Variants in ANGPT2 observed in about 807,000 individuals in gnomAD.
ANGPT2 encodes angiopoietin 2, also known as angiopoietin-2.
A neutral mutation model predicts 62.9 loss-of-function variants in ANGPT2; 28 were observed. That is an observed-to-expected ratio of 0.44 (90% confidence interval 0.33 to 0.61). The LOEUF (loss-of-function observed/expected upper bound fraction) is 0.61, where lower values mean the gene tolerates loss of function less well. Among genes scored for constraint, ANGPT2 ranks in the 20% least tolerant of loss-of-function variants. The pLI is 0.03. For missense variants in ANGPT2, 727 were observed against 594.9 expected, an observed-to-expected ratio of 1.22 and a Z score of -2.31; for synonymous variants, 284 against 207.8, an observed-to-expected ratio of 1.37 and a Z score of -3.15.
chr8:6,539,503 C>T (rs746931866), intron 1 of ANGPT2, among the ~76,000 whole-genome samples: 11 of 152,176 alleles, frequency 7.2e-5, no homozygotes, highest in African/African-American at 2.4e-4. Flanking sequence ...ACCACATGGA[C>T]GCCTGCCCAC....
At chr8:6,534,987 C>T (rs1353099882) in intron 1 of ANGPT2, among the ~76,000 whole-genome samples, 2 of 152,196 alleles carry the variant, frequency 1.3e-5, no homozygotes, top group African/African-American at 2.4e-5. Context: ...TTACTCCTCA[C>T]AGCACCCCAG....
chr8:6,547,825 T>C (rs1822880884), intron 1 of ANGPT2, among the ~76,000 whole-genome samples: 1 of 151,180 alleles, frequency 6.6e-6, no homozygotes, highest in African/African-American at 2.4e-5. Context: ...AAGGGAGCCG[T>C]GGCAGAGGTT....
intron 1 of ANGPT2, among the ~76,000 whole-genome samples, chr8:6,560,607 T>C (rs922185624): frequency 6.6e-6 from 1 of 152,176 alleles, no homozygotes; most frequent in Non-Finnish European, 1.5e-5. Context: ...AGATAAACAT[T>C]AAGTCATTCT....
chr8:6,504,300 A>G (rs1812817998), intron 8 of ANGPT2, among the ~76,000 whole-genome samples: 1 of 134,242 alleles, frequency 7.4e-6, no homozygotes, highest in Non-Finnish European at 1.5e-5. Flanking sequence ...CCTGGGCGAC[A>G]GAGTGAGACT....
At chr8:6,543,964 A>G (rs542356626) in intron 1 of ANGPT2, among the ~76,000 whole-genome samples, 7 of 152,246 alleles carry the variant, frequency 4.6e-5, no homozygotes, top group Non-Finnish European at 8.8e-5. Flanking sequence ...CTTAATCTTT[A>G]AAGTTGCAAT....
chr8:6,528,712 C>G (rs1418953869), intron 2 of ANGPT2, among the ~76,000 whole-genome samples: 1 of 152,228 alleles, frequency 6.6e-6, no homozygotes, highest in Non-Finnish European at 1.5e-5. Context: ...CATGCTTATT[C>G]AGGATGTGAT....
intron 3 of ANGPT2, 98 bp downstream of exon 3, chr8:6,527,457 A>C (rs1175856359): frequency 4.9e-5 from 72 of 1,461,262 alleles, no homozygotes; most frequent in Non-Finnish European, 6.5e-5. Flanking sequence ...ACTAGACATG[A>C]AGAAACTCAC....
intron 5 of ANGPT2, among the ~76,000 whole-genome samples, chr8:6,517,848 G>C (rs1279810310): frequency 6.6e-6 from 1 of 152,194 alleles, no homozygotes; most frequent in Non-Finnish European, 1.5e-5. Flanking sequence ...GACTTACAGA[G>C]TCTTAAGTCT....
At chr8:6,548,407 G>GA (rs1408811236) in intron 1 of ANGPT2, among the ~76,000 whole-genome samples, 3 of 152,162 alleles carry the variant, frequency 2.0e-5, no homozygotes, top group African/African-American at 7.2e-5. Flanking sequence ...TGATAACTCA[G>GA]AATTAGGATT....
Position 6,519,971 on chromosome 8 carries a change from T to C in ANGPT2, c.820A>G (p.Lys274Glu). The C allele has an allele frequency of 1.9e-6, 3 of 1,614,158 alleles. No individual in the cohort carries two copies. In the South Asian group the frequency reaches 3.3e-5, roughly 18 times the overall value. ...TCTCTGAAGCTGATTTGTTCTTCTT[T>C]AGCAACAGTGGGGTCCTTAGCTGCT... ...TSNSKDPTVAKEEQISFRDCA... is the reference protein window; with the variant it reads ...TSNSKDPTVAEEEQISFRDCA... Residue 274 changes from lysine (K) to glutamate (E), a missense_variant, in exon 5 of 9, where the codon AAA becomes GAA. Physicochemically the swap from Lys to Glu is moderately conservative, Grantham distance 56. Transcript: ENST00000629816.
intron 1 of ANGPT2, among the ~76,000 whole-genome samples, chr8:6,561,612 T>C (rs1014010453): frequency 1.3e-5 from 2 of 152,256 alleles, no homozygotes; most frequent in Admixed American, 1.3e-4. Context: ...TAGCTTTAGA[T>C]AATCACATTC....
chr8:6,544,613 C>G (rs1219110383), intron 1 of ANGPT2, among the ~76,000 whole-genome samples: 1 of 151,986 alleles, frequency 6.6e-6, no homozygotes, highest in Admixed American at 6.6e-5. Context: ...GAGTAAGAAC[C>G]GACATGCACA....
At chr8:6,513,523 C>G (rs1420763189) in intron 7 of ANGPT2, among the ~76,000 whole-genome samples, 155 bp downstream of exon 7, 1 of 152,050 alleles carries the variant, frequency 6.6e-6, no homozygotes, top group Non-Finnish European at 1.5e-5. Context: ...CTAGTAGAGA[C>G]AGGGTTTCAC....
At position 6,503,081 on chromosome 8, in the gene ANGPT2, C is replaced by A. The variant is rs754213622; in HGVS notation, c.*20G>T. On this transcript the variant is annotated 3_prime_UTR_variant, in exon 9 of 9. Transcript: ENST00000629816. Reference sequence around the variant, plus strand: ...TCTTTGAAAATAGTTCGAGACAGTTCCTCAGGTGGACTGGGATGTTTAGAA... The same window carrying A: ...TCTTTGAAAATAGTTCGAGACAGTTACTCAGGTGGACTGGGATGTTTAGAA... The A allele has an allele frequency of 1.2e-6, 2 of 1,613,878 alleles. No homozygotes were observed. The highest frequency in any genetic ancestry group is 1.1e-5 in the South Asian group (1 of 91,018).
chr8:6,510,309 C>G (rs1401779855), intron 7 of ANGPT2, among the ~76,000 whole-genome samples: 2 of 152,098 alleles, frequency 1.3e-5, no homozygotes, highest in African/African-American at 4.8e-5. Context: ...GATGGAGAAA[C>G]AGGCACACGA....
Position 6,521,165 on chromosome 8 carries a change from T to C in ANGPT2, c.799+13A>G. 1.2e-6 allele frequency: 2 copies of C among 1,602,502 alleles called. No homozygotes were observed. The highest frequency in any genetic ancestry group is 1.7e-6 in the Non-Finnish European group (2 of 1,170,348). On this transcript the variant is annotated intron_variant, in intron 4 of 8. Transcript: ENST00000629816. ...GTTATTAACGCTGAAGAAAGCATGA[T>C]ATGTAAACTTACAGTTTGATGTGGA...
chr8:6,541,117 C>G (rs1208865324), intron 1 of ANGPT2, among the ~76,000 whole-genome samples: 2 of 152,210 alleles, frequency 1.3e-5, no homozygotes, highest in African/African-American at 2.4e-5. Flanking sequence ...AGGCCTGAGG[C>G]AAGGCCTGTC....
rs906730831 is a variant in ANGPT2, at chr8:6,513,670, T to C, written c.1196+8A>G. On this transcript the variant is annotated splice_region_variant and intron_variant, in intron 7 of 8. Transcript: ENST00000629816. ...ATTTTTTCTTTCAATTACCATGAAC[T>C]CACTTACCTATAATTGAGTTCTTCA... 3.1e-6 allele frequency: 5 copies of C among 1,600,108 alleles called. No homozygotes were observed. Among genetic ancestry groups the C allele is most frequent in the Non-Finnish European group, 4.3e-6 (5 of 1,174,270 alleles).
intron 2 of ANGPT2, 131 bp from the exon 3 acceptor site, chr8:6,527,807 A>T: frequency 1.2e-6 from 1 of 856,184 alleles, no homozygotes; most frequent in Non-Finnish European, 1.7e-6. Flanking sequence ...CAAGTATCTT[A>T]TTTTGGCATA....
Sources: gnomAD v4.1 joint callset for allele counts (sites outside exome capture counted in the v4.1 genomes callset) on GRCh38, gnomAD v4.1.1 for gene constraint, MANE v1.5 for transcripts, NCBI Gene and HGNC (gene_info 2026-07-23, HGNC 2026-07-21) for gene names.